The following MICAL2 variants were observed in gnomAD, a reference collection of about 807,000 sequenced individuals.
MICAL2 encodes microtubule associated monooxygenase, calponin and LIM domain containing 2, also known as [F-actin]-monooxygenase MICAL2.
MICAL2 carries 77 observed loss-of-function variants against 127.3 expected under a neutral mutation model. The ratio of observed to expected loss-of-function variants is 0.60; its 90% CI spans 0.50 to 0.73. The LOEUF is 0.73. Among genes scored for constraint, MICAL2 ranks in the 30% least tolerant of loss-of-function variants. The pLI is 0.00. For synonymous variants in MICAL2, 570 were observed against 551.1 expected (o/e 1.03, Z -0.48); for missense variants, 1,351 against 1,434.4 (o/e 0.94, Z 0.94).
At chr11:12,164,718 G>A (rs1855264049) in intron 3 of MICAL2, among the ~76,000 whole-genome samples, 1 of 152,200 alleles carries the variant, frequency 6.6e-6, no homozygotes, top group Non-Finnish European at 1.5e-5. Context: ...CCCACTTCTG[G>A]ATTTATTATG....
intron 13 of MICAL2, chr11:12,225,495 T>C (rs1328783058): frequency 6.6e-6 from 1 of 152,242 alleles, no homozygotes; most frequent in Non-Finnish European, 1.5e-5. Flanking sequence ...ACCGTCTTTT[T>C]TTTTTTTTAA....
At chr11:12,270,962 C>A (rs1863667980) in intron 24 of MICAL2, among the ~76,000 whole-genome samples, 1 of 152,224 alleles carries the variant, frequency 6.6e-6, no homozygotes, top group Non-Finnish European at 1.5e-5. Context: ...CTCCATAACC[C>A]TGCGGCAGGG....
chr11:12,284,910 G>A (rs938901014), intron 2 of MICAL2, among the ~76,000 whole-genome samples: 17 of 152,144 alleles, frequency 1.1e-4, no homozygotes, highest in Non-Finnish European at 2.4e-4. Flanking sequence ...GTAACCACCC[G>A]AAGGGTTCTC....
intron 15 of MICAL2, among the ~76,000 whole-genome samples, chr11:12,229,745 C>A (rs931696805): frequency 4.6e-5 from 7 of 152,378 alleles, no homozygotes; most frequent in Admixed American, 6.5e-5. Context: ...GGGCCTCACT[C>A]CACTTCCCTC....
chr11:12,319,637 G>A, intron 29 of MICAL2: 3 of 1,244,418 alleles, frequency 2.4e-6, no homozygotes, highest in Non-Finnish European at 3.6e-6. Flanking sequence ...CAGCAGCTTT[G>A]GTTCATAAAG....
downstream of MICAL2, chr11:12,292,255 C>A: frequency 4.3e-6 from 7 of 1,614,102 alleles, no homozygotes; most frequent in Non-Finnish European, 5.9e-6. Flanking sequence ...CTTCTTCAAC[C>A]AGTGTTTCTG....
chr11:12,223,350 G>A (rs1231662189), intron 11 of MICAL2, 61 bp from the exon 12 acceptor site: 3 of 1,460,986 alleles, frequency 2.1e-6, no homozygotes, highest in South Asian at 1.1e-5. Context: ...TCGAGTTTAG[G>A]GGCCCTGAGA....
chr11:12,131,357 C>G (rs1232241427), intron 1 of MICAL2, among the ~76,000 whole-genome samples: 1 of 151,380 alleles, frequency 6.6e-6, no homozygotes, highest in Non-Finnish European at 1.5e-5. Context: ...GGTAATGGCT[C>G]AGGCTGCCCA....
chr11:12,351,017 T>C (rs1359926990), intron 33 of MICAL2, among the ~76,000 whole-genome samples: 1 of 152,218 alleles, frequency 6.6e-6, no homozygotes, highest in East Asian at 1.9e-4. Context: ...GCCTTCCCTG[T>C]GTGTCTGTGT....
intron 1 of MICAL2, among the ~76,000 whole-genome samples, chr11:12,119,889 G>A (rs890614051): frequency 2.0e-5 from 3 of 152,202 alleles, no homozygotes; most frequent in African/African-American, 7.2e-5. Context: ...CTGATGCTGA[G>A]TGGACAGAGA....
chr11:12,237,602 G>A (rs1159271316), intron 16 of MICAL2, among the ~76,000 whole-genome samples: 1 of 152,054 alleles, frequency 6.6e-6, no homozygotes, highest in Non-Finnish European at 1.5e-5. Context: ...CAACCTAGGA[G>A]TTGGAGTGGG....
In MICAL2 at chr11:12,262,328, C is replaced by T. The variant is rs556273005; in HGVS notation, c.3335-152C>T. The T allele has an allele frequency of 1.5e-4, 220 of 1,495,878 alleles. 1 individual carries two copies. The highest frequency in any genetic ancestry group is 7.1e-4 in the Middle Eastern group (4 of 5,644). 92.7% of individuals were successfully genotyped at this position (1,495,878 alleles called of 1,614,324 possible). On this transcript the variant is annotated intron_variant, in intron 26 of 27. Coordinates refer to ENST00000683283, the MANE Select transcript of MICAL2 (RefSeq NM_001282663.2). ...AGGTTCATCTCTCCTAAGCAAACAG[C>T]GACTCTTTCAGAGGAAGTTTCCCTC...
At chr11:12,235,142 G>C (rs140893840) in intron 15 of MICAL2, among the ~76,000 whole-genome samples, 101 of 152,282 alleles carry the variant, frequency 6.6e-4, no homozygotes, top group African/African-American at 2.3e-3. Flanking sequence ...GGATGGGGGA[G>C]CCTAGGTGGA....
At chr11:12,147,825 C>T (rs7108851) in intron 2 of MICAL2, among the ~76,000 whole-genome samples, 1,738 of 152,224 alleles carry the variant, frequency 0.011, 36 homozygotes, top group African/African-American at 0.04. Context: ...CAACAGAATT[C>T]CCTGGGGAGT....
intron 7 of MICAL2, among the ~76,000 whole-genome samples, chr11:12,214,712 C>T (rs571753741): frequency 1.4e-4 from 22 of 152,292 alleles, no homozygotes; most frequent in African/African-American, 4.6e-4. Flanking sequence ...AGCTGATTGT[C>T]GCCCAGCCAT....
chr11:12,261,093 T>C, intron 26 of MICAL2: 1 of 985,490 alleles, frequency 1.0e-6, no homozygotes, highest in Non-Finnish European at 1.2e-6. Flanking sequence ...TCAGGCCAAG[T>C]GGAGTGGAAG....
chr11:12,232,240 A>T (rs1461468908), intron 15 of MICAL2, among the ~76,000 whole-genome samples: 1 of 152,200 alleles, frequency 6.6e-6, no homozygotes, highest in East Asian at 1.9e-4. Flanking sequence ...CAATCAATAC[A>T]GCCCTTTGCA....
chr11:12,293,579 C>G, downstream of MICAL2: 1 of 1,612,458 alleles, frequency 6.2e-7, no homozygotes, highest in Non-Finnish European at 8.5e-7. Flanking sequence ...TTCTGAGCCC[C>G]TCTCGCAAGT....
chr11:12,323,389 T>G (rs2134846099), intron 30 of MICAL2, among the ~76,000 whole-genome samples: 1 of 152,284 alleles, frequency 6.6e-6, no homozygotes, highest in Admixed American at 6.5e-5. Context: ...CACTGTAGAC[T>G]CAACCTAAGC....
Sources: gnomAD v4.1 joint callset for allele counts (sites outside exome capture counted in the v4.1 genomes callset) on GRCh38, gnomAD v4.1.1 for gene constraint, MANE v1.5 for transcripts, NCBI Gene and HGNC (gene_info 2026-07-23, HGNC 2026-07-21) for gene names.